The following KIAA1210 variants were observed in gnomAD, a reference collection of about 807,000 sequenced individuals.
KIAA1210 encodes the protein acrosomal protein KIAA1210.
Under a neutral mutation model 78.9 loss-of-function variants are expected in KIAA1210, and 48 were observed. That is an observed-to-expected ratio of 0.61 (90% CI 0.48 to 0.77). The LOEUF (loss-of-function observed/expected upper bound fraction) is 0.77, where lower values mean the gene tolerates loss of function less well. Among genes scored for constraint, KIAA1210 ranks in the 30% least tolerant of loss-of-function variants. The pLI, the probability that KIAA1210 is intolerant of heterozygous loss-of-function variation, is 0.00. For missense variants in KIAA1210, 1,108 were observed against 1,100.0 expected (o/e 1.01, Z -0.10); for synonymous variants, 406 against 404.5 (o/e 1.00, Z -0.04).
intron 5 of KIAA1210, 145 bp from the exon 6 acceptor site, chrX:119,105,292 G>A: frequency 1.7e-6 from 1 of 573,441 alleles, no homozygotes; most frequent in Non-Finnish European, 2.6e-6. Context: ...ATAAGCCCAG[G>A]GAAGAATTTC....
At position 119,096,597 on chromosome X, in the gene KIAA1210, C is replaced by T; in HGVS notation, c.743G>A (p.Gly248Asp). The change falls in exon 7 of 12, where the codon GGT becomes GAT. Residue 248 changes from glycine to aspartate, a missense_variant. Gly to Asp is a moderately conservative substitution (Grantham distance 94). This residue lies in a region of KIAA1210 where 672 missense variants were observed against 607.1 expected (regional missense o/e 1.11). Transcript: ENST00000691062. ...ASTSSTQLPI[G>D]FSTPATTQGC... ...CTGGGTGGTGGCTGGGGTGCTGAAACCAATGGGCAGCTGGGTGCTACTGGT... is the reference window on the plus strand; with the variant it reads ...CTGGGTGGTGGCTGGGGTGCTGAAATCAATGGGCAGCTGGGTGCTACTGGT... The T allele has an allele frequency of 2.5e-6, 3 of 1,210,513 alleles. No individual in the cohort carries two copies. The South Asian group carries it at 5.3e-5, about 21-fold the overall frequency.
intron 2 of KIAA1210, among the ~76,000 whole-genome samples, chrX:119,137,951 A>G (rs768782480): frequency 8.9e-6 from 1 of 111,915 alleles, no homozygotes; most frequent in Non-Finnish European, 1.9e-5. Context: ...TCCATAACAC[A>G]TGGCAAAGCT....
chrX:119,085,555 G>C lies in KIAA1210; in HGVS notation c.4157-9C>G. 1 of 1,204,878 alleles carries C rather than the reference G, an allele frequency of 8.3e-7. No homozygotes were observed. The highest frequency in any genetic ancestry group is 1.1e-6 in the Non-Finnish European group (1 of 892,335). ...TTGACCAGCAGGCTTTCCTGAGAAA[G>C]AAATGAAAGGAGTTAGAACTGAAGC... On this transcript the variant is annotated splice_polypyrimidine_tract_variant and intron_variant, in intron 9 of 11. Coordinates refer to ENST00000691062, the MANE Select transcript of KIAA1210 (RefSeq NM_001394962.1).
chrX:119,086,502 T>C (rs1927137514), intron 9 of KIAA1210, 44 bp downstream of exon 9: 1 of 1,099,108 alleles, frequency 9.1e-7, no homozygotes, highest in Non-Finnish European at 1.2e-6. Context: ...TCCAGTTGTT[T>C]CCACTTGATA....
At chrX:119,130,557 T>C (rs1476018709), upstream of KIAA1210, among the ~76,000 whole-genome samples, 1 of 112,582 alleles carries the variant, frequency 8.9e-6, no homozygotes, top group Non-Finnish European at 1.9e-5. Context: ...CTATATATTT[T>C]TGTGGATGGA....
chrX:119,093,028 C>T (rs904051943), intron 8 of KIAA1210, among the ~76,000 whole-genome samples: 1 of 110,945 alleles, frequency 9.0e-6, no homozygotes, highest in Non-Finnish European at 1.9e-5. Context: ...ATCAGCTTGC[C>T]ATCAACTGGA....
At position 119,087,893 on chromosome X, in the gene KIAA1210, T is replaced by G. The variant is rs754046672; in HGVS notation, c.2809A>C (p.Ile937Leu). 1.3e-5 allele frequency: 16 copies of G among 1,210,258 alleles called. No homozygotes were observed. Among genetic ancestry groups the G allele is most frequent in the Non-Finnish European group, 1.8e-5 (16 of 895,245 alleles). Residue 937 changes from isoleucine (I) to leucine (L), a missense_variant, in exon 9 of 12, where the codon ATT (isoleucine) becomes CTT (leucine). Ile to Leu is a conservative substitution (Grantham distance 5, BLOSUM62 2). Coordinates refer to ENST00000691062, the MANE Select transcript of KIAA1210 (RefSeq NM_001394962.1). Reference protein sequence around the residue: ...HPESTTVEEDISKEQLLPRHL... With the variant: ...HPESTTVEEDLSKEQLLPRHL... ...CTGGGAAGCAGCTGCTCCTTAGAAA[T>G]GTCCTCTTCAACAGTAGTGCTTTCT... is the stretch of plus-strand genomic sequence containing the variant.
intron 6 of KIAA1210, among the ~76,000 whole-genome samples, chrX:119,096,991 A>G (rs1048389751): frequency 9.0e-6 from 1 of 111,720 alleles, no homozygotes; most frequent in African/African-American, 3.3e-5. Context: ...TTGAGTTTGC[A>G]AAGTCAGAGA....
In KIAA1210 at chrX:119,088,899, T is replaced by C; in HGVS notation, c.1803A>G (p.Glu601=). ...LFQSSRKPDA[E]EVSSDSENIP... ...TATTCTCTGAATCTGAGGAGACTTC[T>C]TCAGCATCAGGCTTCCTTGAGGACT... Residue 601 remains glutamate (E), a synonymous_variant, in exon 9 of 12, where the codon GAA becomes GAG. Coordinates refer to ENST00000691062, the MANE Select transcript of KIAA1210 (RefSeq NM_001394962.1). 8.3e-7 allele frequency: 1 copy of C among 1,211,154 alleles called. No individual in the cohort carries two copies. The highest frequency in any genetic ancestry group is 3.0e-5 in the East Asian group (1 of 33,866).
At chrX:119,112,446 A>C (rs1208316539) in intron 3 of KIAA1210, among the ~76,000 whole-genome samples, 1 of 111,845 alleles carries the variant, frequency 8.9e-6, no homozygotes, top group Non-Finnish European at 1.9e-5. Flanking sequence ...GAATTCAATA[A>C]TAAAAATTTA....
chrX:119,098,012 C>T (rs780494333), intron 6 of KIAA1210, among the ~76,000 whole-genome samples: 12 of 112,156 alleles, frequency 1.1e-4, no homozygotes, highest in African/African-American at 3.9e-4. Context: ...AAAAGCTCTT[C>T]TTTTATTGTT....
At chrX:119,145,525 C>A (rs1929146954) in intron 2 of KIAA1210, among the ~76,000 whole-genome samples, 1 of 110,906 alleles carries the variant, frequency 9.0e-6, no homozygotes, top group African/African-American at 3.3e-5. Flanking sequence ...CAGGGGCCTG[C>A]AACCCCCAAG....
In KIAA1210 at chrX:119,089,527, T is replaced by C; in HGVS notation, c.1175A>G (p.Asp392Gly). Reference protein sequence around the residue: ...KQSSEGYGLGDRAGSSPTNKT... With the variant: ...KQSSEGYGLGGRAGSSPTNKT... ...ATTGGTAGGTGAAGACCCAGCTCTA[T>C]CGCCCAGGCCATACCCTTCACTGGA... is the stretch of plus-strand genomic sequence containing the variant. Residue 392 changes from aspartate (D) to glycine (G), a missense_variant, in exon 9 of 12, where the codon GAT becomes GGT. Physicochemically the swap from Asp to Gly is moderately conservative, Grantham distance 94 (BLOSUM62 -1). Around this residue, in one of 5 missense-constraint regions of KIAA1210, gnomAD observed 672 missense variants for 607.1 expected, o/e 1.11. Transcript: ENST00000691062. 1 of 1,211,669 alleles carries C rather than the reference T, an allele frequency of 8.3e-7. No individual in the cohort carries two copies. The highest frequency in any genetic ancestry group is 1.1e-6 in the Non-Finnish European group (1 of 895,400).
intron 8 of KIAA1210, among the ~76,000 whole-genome samples, chrX:119,091,172 C>A (rs938661853): frequency 8.9e-5 from 10 of 112,202 alleles, no homozygotes; most frequent in African/African-American, 3.2e-4. Flanking sequence ...TGAAACACAA[C>A]GCGATATCAT....
chrX:119,114,635 T>C (rs1928194863), intron 3 of KIAA1210, among the ~76,000 whole-genome samples: 1 of 112,328 alleles, frequency 8.9e-6, no homozygotes, highest in Admixed American at 9.4e-5. Flanking sequence ...CCTCTGCTTT[T>C]TGCAGAAAAA....
intron 3 of KIAA1210, among the ~76,000 whole-genome samples, chrX:119,113,075 A>C (rs756229129): frequency 8.9e-6 from 1 of 111,851 alleles, no homozygotes; most frequent in African/African-American, 3.2e-5. Context: ...GAGTACAAGA[A>C]GTCAATAAGA....
exon 1 of KIAA1210, chrX:119,150,479 C>A (rs1017905132): frequency 6.6e-6 from 8 of 1,209,962 alleles, no homozygotes; most frequent in African/African-American, 1.7e-5. Flanking sequence ...AATCCTGGCC[C>A]CTCGGTCCCT....
At chrX:119,092,627 G>A (rs1353440572) in intron 8 of KIAA1210, among the ~76,000 whole-genome samples, 4 of 109,973 alleles carry the variant, frequency 3.6e-5, no homozygotes, top group African/African-American at 9.9e-5. Flanking sequence ...CAAGCGTGGC[G>A]GCGGGCGCCT....
At chrX:119,081,568 T>C in intron 11 of KIAA1210, 64 bp from the exon 12 acceptor site, 1 of 1,044,215 alleles carries the variant, frequency 9.6e-7, no homozygotes, top group Non-Finnish European at 1.3e-6. Flanking sequence ...GTATGTTGTT[T>C]ATGGAATGCC....
Sources: gnomAD v4.1 joint callset for allele counts (sites outside exome capture counted in the v4.1 genomes callset) on GRCh38, gnomAD v4.1.1 for gene constraint, gnomAD v4.1.1 regional missense constraint, MANE v1.5 for transcripts, NCBI Gene and HGNC (gene_info 2026-07-23, HGNC 2026-07-21) for gene names.